PCSK9: variants seen among roughly 807,000 people sequenced by gnomAD.
The protein encoded by PCSK9 is convertase subtilisin/kexin type 9 preproprotein.
Under a neutral mutation model 62.1 loss-of-function variants are expected in PCSK9, and 57 were observed. The ratio of observed to expected loss-of-function variants is 0.92; its 90% CI spans 0.74 to 1.14. PCSK9 has a LOEUF of 1.14. PCSK9 is among the 50% of genes most tolerant of loss of function. PCSK9 has a pLI of 0.00. For synonymous variants in PCSK9, 387 were observed against 409.4 expected, an observed-to-expected ratio of 0.95 and a Z score of 0.66; for missense variants, 870 against 959.8, an observed-to-expected ratio of 0.91 and a Z score of 1.24.
rs1218502376 is a variant in PCSK9, at chr1:55,040,236, T to G, written c.207+192T>G. ...GGAGGACGGGTAGTGGGGAGCACGGTGGAGAGCGGGGACGGCCGGCTCTTT... is the reference window on the plus strand; with the variant it reads ...GGAGGACGGGTAGTGGGGAGCACGGGGGAGAGCGGGGACGGCCGGCTCTTT... On this transcript the variant is annotated intron_variant, in intron 1 of 11. Transcript: ENST00000302118. The surrounding 1 kb of genome is among the most constrained non-coding windows in gnomAD (Gnocchi z 4.1). Among the ~76,000 whole-genome samples, 1 of 151,714 alleles carries G rather than the reference T, an allele frequency of 6.6e-6. No homozygotes were observed. The highest frequency in any genetic ancestry group is 1.5e-5 in the Non-Finnish European group (1 of 67,942).
At chr1:55,046,894 T>A (rs1644639137) in intron 3 of PCSK9, among the ~76,000 whole-genome samples, 1 of 152,156 alleles carries the variant, frequency 6.6e-6, no homozygotes, top group African/African-American at 2.4e-5. Flanking sequence ...CTTGTTTTCC[T>A]TTTCTCACCA....
At chr1:55,054,776 C>A (rs141855360) in intron 5 of PCSK9, among the ~76,000 whole-genome samples, 2 of 152,248 alleles carry the variant, frequency 1.3e-5, no homozygotes, top group African/African-American at 4.8e-5. Flanking sequence ...GAGGGCAAGG[C>A]GGGAGGATCA....
chr1:55,063,226 G>A (rs1034900686), intron 11 of PCSK9, 143 bp from the exon 12 acceptor site: 33 of 845,378 alleles, frequency 3.9e-5, no homozygotes, highest in African/African-American at 5.0e-5. Context: ...GGAGATACAC[G>A]GTTGTGTCCC....
chr1:55,064,765 G>GTAAC lies in PCSK9; in HGVS notation c.*1183_*1186dup, dbSNP rs1489710194. On this transcript the variant is annotated 3_prime_UTR_variant, in exon 12 of 12. Transcript: ENST00000302118. ...ACTTTTCTAGACCTGTTTTGCTTTTGTAACTTGAAGATATTTATTCTGGGT... is the reference window on the plus strand; with the variant it reads ...ACTTTTCTAGACCTGTTTTGCTTTTGTAACTAACTTGAAGATATTTATTCTGGGT... 2.0e-5 allele frequency: 3 copies of GTAAC among 152,188 alleles called. No homozygotes were observed. Among genetic ancestry groups the GTAAC allele is most frequent in the East Asian group, 1.9e-4 (1 of 5,196 alleles). The allele number at this position is 152,188 out of a possible 1,614,324, so 9.4% of individuals were successfully genotyped here. A position where few individuals can be genotyped will look rare whatever the true frequency, so the allele number is the denominator to read the frequency against.
intron 1 of PCSK9, among the ~76,000 whole-genome samples, chr1:55,041,779 A>G (rs540874982): frequency 6.6e-6 from 1 of 152,250 alleles, no homozygotes; most frequent in East Asian, 1.9e-4. Flanking sequence ...CAATTCATTC[A>G]ATTTTTATTT....
chr1:55,063,708 C>A lies in PCSK9; in HGVS notation c.*124C>A. 8.4e-7 allele frequency: 1 copy of A among 1,189,302 alleles called. No homozygotes were observed. Among genetic ancestry groups the A allele is most frequent in the Non-Finnish European group, 1.2e-6 (1 of 863,762 alleles). 73.7% of individuals were successfully genotyped at this position (1,189,302 alleles called of 1,614,324 possible). ...GCACGAGGGGATGGGGATGCTTCCG[C>A]CTTTCCGGGGCTGCTGGCCTGGCCC... is the stretch of plus-strand genomic sequence containing the variant. On this transcript the variant is annotated 3_prime_UTR_variant, in exon 12 of 12. Transcript: ENST00000302118.
chr1:55,043,685 T>A (rs1644613212), intron 1 of PCSK9, among the ~76,000 whole-genome samples, 158 bp from the exon 2 acceptor site: 1 of 152,266 alleles, frequency 6.6e-6, no homozygotes, highest in Non-Finnish European at 1.5e-5. Context: ...ATGAGTTCTT[T>A]AATTTGCTTT....
rs988303907 is a variant in PCSK9 at position 55,063,740 on chromosome 1, G to C, written c.*156G>C. On this transcript the variant is annotated 3_prime_UTR_variant, in exon 12 of 12. Coordinates refer to ENST00000302118, the MANE Select transcript of PCSK9 (RefSeq NM_174936.4). ...GGGGCTGCTGGCCTGGCCCTTGAGTGGGGCAGCCTCCTTGCCTGGAACTCA... is the reference window on the plus strand; with the variant it reads ...GGGGCTGCTGGCCTGGCCCTTGAGTCGGGCAGCCTCCTTGCCTGGAACTCA... 107 of 898,468 alleles carry C rather than the reference G, an allele frequency of 1.2e-4. No homozygotes were observed. The highest frequency in any genetic ancestry group is 1.6e-4 in the Non-Finnish European group (100 of 608,400). 55.7% of individuals were successfully genotyped at this position (898,468 alleles called of 1,614,324 possible).
chr1:55,050,809 A>C (rs967745854), intron 3 of PCSK9: 1 of 285,726 alleles, frequency 3.5e-6, no homozygotes, highest in Admixed American at 5.1e-5. Flanking sequence ...CCACAGATAC[A>C]CACACCCAGA....
rs1570301738 is a variant in PCSK9, at chr1:55,052,785, C to T, written c.793C>T (p.Leu265Phe). Residue 265 changes from leucine to phenylalanine, a missense_variant, in exon 5 of 12, where the codon CTC (leucine) becomes TTC (phenylalanine). Physicochemically the swap from Leu to Phe is conservative, Grantham distance 22. Transcript: ENST00000302118. ...AGGGAAGGGCACGGTTAGCGGCACC[C>T]TCATAGGTAAGTGATGGCCCCAGAC... ...CQGKGTVSGT[L>F]IGLEFIRKSQ... 2.5e-6 allele frequency: 4 copies of T among 1,613,122 alleles called. No individual in the cohort carries two copies. The highest frequency in any genetic ancestry group is 3.4e-6 in the Non-Finnish European group (4 of 1,179,970).
chr1:55,045,984 C>T (rs1362694853), intron 2 of PCSK9, among the ~76,000 whole-genome samples: 2 of 152,188 alleles, frequency 1.3e-5, no homozygotes, highest in Non-Finnish European at 2.9e-5. Context: ...GCTGGGATTA[C>T]AGGCGTGAGT....
chr1:55,044,671 G>A (rs959485743), intron 2 of PCSK9, among the ~76,000 whole-genome samples: 4 of 152,138 alleles, frequency 2.6e-5, no homozygotes, highest in African/African-American at 9.7e-5. Flanking sequence ...TGATGAGAGC[G>A]TGTGTCATTT....
At position 55,039,938 on chromosome 1, in the gene PCSK9, AGGACG is replaced by A; in HGVS notation, c.103_107del (p.Asp35ArgfsTer134). 1 of 1,573,562 alleles carries A rather than the reference AGGACG, an allele frequency of 6.4e-7. No individual in the cohort carries two copies. The highest frequency in any genetic ancestry group is 8.6e-7 in the Non-Finnish European group (1 of 1,160,714). On this transcript the variant is annotated frameshift_variant, in exon 1 of 12. Transcript: ENST00000302118. LOFTEE classifies it high-confidence loss of function. Reference sequence around the variant, plus strand: ...GCGGGCGCCCGTGCGCAGGAGGACGAGGACGGCGACTACGAGGAGCTGGTGCTAGC... The same window carrying A: ...GCGGGCGCCCGTGCGCAGGAGGACGAGCGACTACGAGGAGCTGGTGCTAGC...
At chr1:55,059,773 C>A in intron 10 of PCSK9, 110 bp downstream of exon 10, 1 of 1,367,048 alleles carries the variant, frequency 7.3e-7, no homozygotes, top group Non-Finnish European at 1.0e-6. Flanking sequence ...TCAAGCCTGA[C>A]TTGCAGTTCC....
chr1:55,048,072 A>G (rs1181434631), intron 3 of PCSK9, among the ~76,000 whole-genome samples: 1 of 152,182 alleles, frequency 6.6e-6, no homozygotes, highest in South Asian at 2.1e-4. Context: ...CTCGGTTGGA[A>G]CAAGTTGATT....
chr1:55,043,590 G>A (rs1048251209), intron 1 of PCSK9, among the ~76,000 whole-genome samples: 1 of 152,232 alleles, frequency 6.6e-6, no homozygotes, highest in African/African-American at 2.4e-5. Flanking sequence ...ACCTGTTGTC[G>A]AGTGTGGCCC....
chr1:55,052,033 G>A, intron 3 of PCSK9: 1 of 573,526 alleles, frequency 1.7e-6, no homozygotes, highest in Non-Finnish European at 3.1e-6. Context: ...GTCCTTCTTG[G>A]CAGTAGCATT....
Position 55,040,016 on chromosome 1 carries a change from C to A in PCSK9, c.179C>A (p.Thr60Asn). 1 of 1,575,162 alleles carries A rather than the reference C, an allele frequency of 6.3e-7. No homozygotes were observed. Among genetic ancestry groups the A allele is most frequent in the Non-Finnish European group, 8.6e-7 (1 of 1,160,954 alleles). Reference protein sequence around the residue: ...DGLAEAPEHGTTATFHRCAKD... With the variant: ...DGLAEAPEHGNTATFHRCAKD... ...CTGGCCGAAGCACCCGAGCACGGAA[C>A]CACAGCCACCTTCCACCGCTGCGCC... Residue 60 changes from threonine to asparagine, a missense_variant, in exon 1 of 12, where the codon ACC (threonine) becomes AAC (asparagine). Transcript: ENST00000302118. The surrounding 1 kb of genome is among the most constrained non-coding windows in gnomAD (Gnocchi z 4.1).
chr1:55,042,209 C>T (rs6681159), intron 1 of PCSK9, among the ~76,000 whole-genome samples: 101,634 of 151,830 alleles, frequency 0.67, 35,640 homozygotes, highest in East Asian at 0.94. Flanking sequence ...GTGATCCTCC[C>T]GCCTCAGCCT....
Sources: allele counts gnomAD v4.1 joint callset (sites outside exome capture counted in the v4.1 genomes callset), GRCh38; gene constraint gnomAD v4.1.1; non-coding constraint Gnocchi (gnomAD v3.1); transcripts MANE v1.5; gene names NCBI Gene and HGNC (gene_info 2026-07-23, HGNC 2026-07-21).